Variants in NCMAP observed in about 807,000 individuals in gnomAD.
NCMAP encodes the protein non-compact myelin associated protein, also known as noncompact myelin-associated protein.
A neutral mutation model predicts 7.8 loss-of-function variants in NCMAP; 8 were observed. The observed-to-expected ratio is 1.02, with a 90% CI of 0.60 to 1.84. The LOEUF (loss-of-function observed/expected upper bound fraction) is 1.84. Among genes scored for constraint, NCMAP ranks in the 40% most tolerant of loss-of-function variants. The pLI is 0.00. For missense variants in NCMAP, 112 were observed against 131.4 expected (o/e 0.85, Z 0.72); for synonymous variants, 41 against 52.9 (o/e 0.78, Z 0.98).
intron 2 of NCMAP, among the ~76,000 whole-genome samples, chr1:24,598,856 T>G (rs1483797424): frequency 6.7e-6 from 1 of 149,920 alleles, no homozygotes; most frequent in Non-Finnish European, 1.5e-5. Flanking sequence ...CAGGCTGGTC[T>G]CAAACTCCTG....
intron 1 of NCMAP, among the ~76,000 whole-genome samples, chr1:24,558,703 C>T (rs74918998): frequency 0.029 from 4,394 of 152,166 alleles, 217 homozygotes; most frequent in African/African-American, 0.099. Flanking sequence ...CTACAGGGAG[C>T]GGAGCGCACT....
At chr1:24,595,289 C>A in intron 1 of NCMAP, 135 bp from the exon 2 acceptor site, 1 of 601,070 alleles carries the variant, frequency 1.7e-6, no homozygotes, top group Non-Finnish European at 2.9e-6. Flanking sequence ...ATGGGTTTTG[C>A]ATTTACTTGC....
rs574989029 is a variant in NCMAP at position 24,588,027 on chromosome 1, A to G, written c.-7-7397A>G. Among the ~76,000 whole-genome samples, 20 of 152,280 alleles carry G rather than the reference A, an allele frequency of 1.3e-4. No individual in the cohort carries two copies. In the East Asian group the frequency reaches 3.9e-3, roughly 29 times the overall value. On this transcript the variant is annotated intron_variant, in intron 1 of 3. Transcript: ENST00000374392. ...AAGAGAAAGAAACAGAAAGGAAAAC[A>G]GCTCTGTCTTTAGTGAGAAAGATGG... is the stretch of plus-strand genomic sequence containing the variant.
chr1:24,569,888 T>C (rs1253948008), intron 1 of NCMAP, among the ~76,000 whole-genome samples: 1 of 150,686 alleles, frequency 6.6e-6, no homozygotes, highest in East Asian at 1.9e-4. Context: ...GGTCACGTCC[T>C]TCCTCAGTTG....
At chr1:24,605,492 T>G (rs968876049) in intron 3 of NCMAP, 114 bp from the exon 4 acceptor site, 2 of 1,269,962 alleles carry the variant, frequency 1.6e-6, no homozygotes, top group African/African-American at 1.5e-5. Flanking sequence ...GCAATGTGAT[T>G]TAATGTCTAC....
chr1:24,602,569 C>CAA (rs10630961), intron 3 of NCMAP, among the ~76,000 whole-genome samples: 11,119 of 39,672 alleles, frequency 0.28, 2,258 homozygotes, highest in African/African-American at 0.39. Context: ...GACTCCATCT[C>CAA]AAAAAAAAAA....
intron 2 of NCMAP, among the ~76,000 whole-genome samples, chr1:24,597,949 T>C (rs1037385907): frequency 3.3e-5 from 5 of 151,756 alleles, no homozygotes; most frequent in Non-Finnish European, 4.4e-5. Flanking sequence ...TCTGGAGATA[T>C]CTTAGTAGTC....
At chr1:24,589,973 A>G (rs1468608641) in intron 1 of NCMAP, among the ~76,000 whole-genome samples, 1 of 151,958 alleles carries the variant, frequency 6.6e-6, no homozygotes, top group Non-Finnish European at 1.5e-5. Flanking sequence ...ATTACAGGCA[A>G]CTGCCATCAC....
intron 1 of NCMAP, among the ~76,000 whole-genome samples, chr1:24,573,869 G>A (rs1651462334): frequency 6.8e-6 from 1 of 147,626 alleles, no homozygotes; most frequent in East Asian, 2.0e-4. Flanking sequence ...GGAGATTAGC[G>A]AGCGAGTCTG....
chr1:24,603,275 T>C (rs61073928), intron 3 of NCMAP, among the ~76,000 whole-genome samples: 8,180 of 151,996 alleles, frequency 0.054, 743 homozygotes, highest in African/African-American at 0.19. Flanking sequence ...TCAGCCCTAA[T>C]TAGCACAGTT....
chr1:24,603,948 G>T (rs1377562495), intron 3 of NCMAP, among the ~76,000 whole-genome samples: 1 of 152,216 alleles, frequency 6.6e-6, no homozygotes, highest in East Asian at 1.9e-4. Flanking sequence ...GGTTCTGGAG[G>T]CAGGGAAGTT....
intron 3 of NCMAP, among the ~76,000 whole-genome samples, chr1:24,603,753 C>T (rs1165871114): frequency 1.3e-5 from 2 of 151,984 alleles, no homozygotes; most frequent in African/African-American, 4.8e-5. Context: ...AAATGGTTCA[C>T]GGTTCTAAAA....
intron 1 of NCMAP, among the ~76,000 whole-genome samples, chr1:24,586,689 G>A (rs1651891722): frequency 6.6e-6 from 1 of 150,400 alleles, no homozygotes; most frequent in Non-Finnish European, 1.5e-5. Context: ...TTGAACCCGG[G>A]AAACGGAGGT....
intron 1 of NCMAP, among the ~76,000 whole-genome samples, chr1:24,574,794 C>CT (rs772381377): frequency 0.085 from 11,236 of 131,800 alleles, 635 homozygotes; most frequent in Middle Eastern, 0.14. Flanking sequence ...GCCCGCAATA[C>CT]TTTTTTTTTT....
chr1:24,558,965 TA>T (rs35378487), intron 1 of NCMAP, among the ~76,000 whole-genome samples: 156 of 148,556 alleles, frequency 1.1e-3, no homozygotes, highest in African/African-American at 3.2e-3. Flanking sequence ...TTTAATTTCT[TA>T]AAAAAAAAAC....
At chr1:24,603,901 C>T (rs1461810182) in intron 3 of NCMAP, among the ~76,000 whole-genome samples, 2 of 152,206 alleles carry the variant, frequency 1.3e-5, no homozygotes, top group Non-Finnish European at 2.9e-5. Context: ...ATATCTGAGA[C>T]TGGGTAAATT....
At chr1:24,560,073 A>G (rs1253977786) in intron 1 of NCMAP, among the ~76,000 whole-genome samples, 3 of 149,214 alleles carry the variant, frequency 2.0e-5, no homozygotes, top group African/African-American at 7.4e-5. Flanking sequence ...AGGCAGGAGA[A>G]TGGCGTGAAC....
At chr1:24,590,383 C>T (rs1470467971) in intron 1 of NCMAP, among the ~76,000 whole-genome samples, 1 of 152,120 alleles carries the variant, frequency 6.6e-6, no homozygotes, top group Non-Finnish European at 1.5e-5. Flanking sequence ...TATCTCTTTT[C>T]TGTATTTAAA....
chr1:24,604,880 C>T (rs575292850), intron 3 of NCMAP, among the ~76,000 whole-genome samples: 2 of 150,334 alleles, frequency 1.3e-5, no homozygotes, highest in East Asian at 2.0e-4. Flanking sequence ...TTTGGGAGGC[C>T]GAAGTGGGTG....
Sources: allele counts gnomAD v4.1 joint callset (sites outside exome capture counted in the v4.1 genomes callset), GRCh38; gene constraint gnomAD v4.1.1; transcripts MANE v1.5; gene names NCBI Gene and HGNC (gene_info 2026-07-23, HGNC 2026-07-21).